Variants in CADPS2 observed in about 807,000 individuals in gnomAD.
The protein encoded by CADPS2 is calcium-dependent secretion activator 2.
A neutral mutation model predicts 172.5 loss-of-function variants in CADPS2; 93 were observed. The ratio of observed to expected loss-of-function variants is 0.54; its 90% CI spans 0.46 to 0.64. The LOEUF (loss-of-function observed/expected upper bound fraction) is 0.64. Among genes scored for constraint, CADPS2 ranks in the 30% least tolerant of loss-of-function variants. The probability of loss-of-function intolerance (pLI) is 0.00; values close to 1 mark genes in which losing one functional copy is unlikely to be tolerated. For missense variants in CADPS2, 1,420 were observed against 1,565.9 expected (o/e 0.91, Z 1.57); for synonymous variants, 546 against 555.2 (o/e 0.98, Z 0.23).
intron 11 of CADPS2, among the ~76,000 whole-genome samples, chr7:122,488,149 CGGAG>C (rs1475258055): frequency 6.6e-6 from 1 of 151,802 alleles, no homozygotes; most frequent in Non-Finnish European, 1.5e-5. Context: ...AATCAAAACT[CGGAG>C]GGAAAAAAAT....
At chr7:122,530,657 T>C (rs886486880) in intron 8 of CADPS2, among the ~76,000 whole-genome samples, 6 of 152,180 alleles carry the variant, frequency 3.9e-5, no homozygotes, top group African/African-American at 1.4e-4. Flanking sequence ...CTTTTAATAC[T>C]ACAAAAGACT....
At chr7:122,796,465 T>C (rs540381289) in intron 1 of CADPS2, among the ~76,000 whole-genome samples, 12 of 152,260 alleles carry the variant, frequency 7.9e-5, no homozygotes, top group African/African-American at 2.9e-4. Context: ...CTTCAAACTA[T>C]ACTACAGGGC....
At chr7:122,399,858 T>C (rs1285517956) in intron 20 of CADPS2, among the ~76,000 whole-genome samples, 2 of 150,412 alleles carry the variant, frequency 1.3e-5, no homozygotes, top group Non-Finnish European at 3.0e-5. Flanking sequence ...GGCTAACTTT[T>C]TGTATTTTTA....
In CADPS2 at chr7:122,576,282, G is replaced by T. The variant is rs570524259; in HGVS notation, c.1335+4897C>A. 2.6e-5 allele frequency among the ~76,000 whole-genome samples: 4 copies of T among 152,258 alleles called. No homozygotes were observed. In the South Asian group the frequency reaches 8.3e-4, roughly 32 times the overall value. The stretch of plus-strand genomic sequence containing the variant: ...TCTCAAATCATAATAGAGAGCATAG[G>T]ATATCCACATGACATCAGTGGTAGT... On this transcript the variant is annotated intron_variant, in intron 7 of 29. Transcript: ENST00000449022.
intron 25 of CADPS2, among the ~76,000 whole-genome samples, chr7:122,362,240 C>G (rs2040248321): frequency 6.6e-6 from 1 of 152,136 alleles, no homozygotes; most frequent in South Asian, 2.1e-4. Context: ...ATATAAGGAT[C>G]ATCCCTGCTT....
intron 18 of CADPS2, among the ~76,000 whole-genome samples, chr7:122,414,772 G>A (rs1212885774): frequency 6.6e-6 from 1 of 152,182 alleles, no homozygotes; most frequent in Non-Finnish European, 1.5e-5. Context: ...AAGGATTCAT[G>A]AGCACTCTTT....
chr7:122,361,659 T>C (rs2151143415), intron 25 of CADPS2, among the ~76,000 whole-genome samples: 1 of 152,324 alleles, frequency 6.6e-6, no homozygotes, highest in Admixed American at 6.5e-5. Context: ...AAAACATTTT[T>C]CAACTTCAAT....
At chr7:122,700,887 A>G (rs1253179403) in intron 2 of CADPS2, among the ~76,000 whole-genome samples, 7 of 152,166 alleles carry the variant, frequency 4.6e-5, no homozygotes, top group Non-Finnish European at 1.0e-4. Context: ...AATAATTTAG[A>G]ACACTTTTCC....
intron 1 of CADPS2, among the ~76,000 whole-genome samples, chr7:122,771,016 GT>G (rs1475210655): frequency 2.0e-5 from 3 of 152,196 alleles, no homozygotes; most frequent in East Asian, 3.9e-4. Flanking sequence ...GACAGGGCAA[GT>G]TTTATCCTGC....
intron 21 of CADPS2, 61 bp from the exon 22 acceptor site, chr7:122,393,376 G>A (rs1349992233): frequency 3.0e-5 from 48 of 1,613,224 alleles, no homozygotes; most frequent in Non-Finnish European, 3.8e-5. Context: ...AGATGGCCAT[G>A]TGTGAAGTCA....
intron 1 of CADPS2, among the ~76,000 whole-genome samples, chr7:122,819,829 C>T (rs1802615759): frequency 6.6e-6 from 1 of 152,026 alleles, no homozygotes; most frequent in South Asian, 2.1e-4. Context: ...TATAAGATAC[C>T]TCTACTCCCT....
At chr7:122,591,901 A>T (rs553947780) in intron 6 of CADPS2, among the ~76,000 whole-genome samples, 1 of 151,978 alleles carries the variant, frequency 6.6e-6, no homozygotes, top group South Asian at 2.1e-4. Flanking sequence ...AAAACCTAGG[A>T]AATACCATTC....
intron 14 of CADPS2, among the ~76,000 whole-genome samples, chr7:122,460,239 T>G (rs28538086): frequency 6.6e-6 from 1 of 151,610 alleles, no homozygotes; most frequent in Non-Finnish European, 1.5e-5. Context: ...CAGCTCTTAC[T>G]AGAAAGTAAA....
intron 11 of CADPS2, among the ~76,000 whole-genome samples, chr7:122,483,667 A>C (rs1224896684): frequency 6.6e-6 from 1 of 152,122 alleles, no homozygotes; most frequent in African/African-American, 2.4e-5. Context: ...TGTGGGATTT[A>C]CCACATATAT....
intron 8 of CADPS2, among the ~76,000 whole-genome samples, chr7:122,527,582 T>TAGAGAGAGAGAGAGAGAGAG (rs35881192): frequency 3.3e-5 from 3 of 91,764 alleles, no homozygotes; most frequent in Admixed American, 1.1e-4. Context: ...TAATACTGAA[T>TAGAGAGAGAGAGAGAGAGAG]AGAGAGAGAG....
intron 2 of CADPS2, chr7:122,702,198 G>C: frequency 6.2e-7 from 1 of 1,613,662 alleles, no homozygotes; most frequent in Non-Finnish European, 8.5e-7. Context: ...CTCACCCACT[G>C]CATGTGCATT....
chr7:122,377,980 G>A (rs1487573983), intron 25 of CADPS2, among the ~76,000 whole-genome samples: 1 of 152,238 alleles, frequency 6.6e-6, no homozygotes, highest in South Asian at 2.1e-4. Flanking sequence ...CCATTACCCA[G>A]AGAAAAGCTC....
At chr7:122,492,898 T>C (rs1399205587) in intron 9 of CADPS2, among the ~76,000 whole-genome samples, 3 of 152,130 alleles carry the variant, frequency 2.0e-5, no homozygotes, top group East Asian at 3.9e-4. Context: ...AAGGTCTCTG[T>C]CTGTTACCTG....
chr7:122,693,589 G>C (rs191881011), intron 2 of CADPS2, among the ~76,000 whole-genome samples: 1 of 152,306 alleles, frequency 6.6e-6, no homozygotes, highest in East Asian at 1.9e-4. Flanking sequence ...TGAACACTGA[G>C]ACTTGGAAAA....
Sources: allele counts gnomAD v4.1 joint callset (sites outside exome capture counted in the v4.1 genomes callset), GRCh38; gene constraint gnomAD v4.1.1; transcripts MANE v1.5; gene names NCBI Gene and HGNC (gene_info 2026-07-23, HGNC 2026-07-21).